The following CCSER1 variants were observed in gnomAD, a reference collection of about 807,000 sequenced individuals.
CCSER1 encodes serine-rich coiled-coil domain-containing protein 1.
A neutral mutation model predicts 82.0 loss-of-function variants in CCSER1; 41 were observed. The ratio of observed to expected loss-of-function variants is 0.50; its 90% CI spans 0.39 to 0.65. The LOEUF is 0.65. Among genes scored for constraint, CCSER1 ranks in the 30% least tolerant of loss-of-function variants. The pLI, the probability that CCSER1 is intolerant of heterozygous loss-of-function variation, is 0.00. For missense variants in CCSER1, 1,119 were observed against 1,064.2 expected (o/e 1.05, Z -0.72); for synonymous variants, 414 against 383.9 (o/e 1.08, Z -0.92).
In CCSER1 at chr4:90,127,721, G is replaced by C. The variant is rs1285841446; in HGVS notation, c.-152G>C. 6.5e-6 allele frequency: 1 copy of C among 153,378 alleles called. No homozygotes were observed. The highest frequency in any genetic ancestry group is 2.4e-5 in the African/African-American group (1 of 41,472). 9.5% of individuals were successfully genotyped at this position (153,378 alleles called of 1,614,324 possible). A position where few individuals can be genotyped will look rare whatever the true frequency, so the allele number is the denominator to read the frequency against. Reference sequence around the variant, plus strand: ...GAGTGGAGAGGAGCCCAACAGCCGAGAAGGGGAGGGAGGGCAGAGGAGGGG... The same window carrying C: ...GAGTGGAGAGGAGCCCAACAGCCGACAAGGGGAGGGAGGGCAGAGGAGGGG... On this transcript the variant is annotated 5_prime_UTR_variant, in exon 1 of 11. Coordinates refer to ENST00000509176, the MANE Select transcript of CCSER1 (RefSeq NM_001145065.2).
At chr4:91,100,222 A>G (rs923206916) in intron 10 of CCSER1, among the ~76,000 whole-genome samples, 1 of 152,132 alleles carries the variant, frequency 6.6e-6, no homozygotes, top group Non-Finnish European at 1.5e-5. Flanking sequence ...CTCATTATAA[A>G]TCAACATTTA....
intron 4 of CCSER1, among the ~76,000 whole-genome samples, chr4:90,402,867 A>G (rs1042201799): frequency 6.6e-6 from 1 of 152,204 alleles, no homozygotes; most frequent in African/African-American, 2.4e-5. Flanking sequence ...TTTACAATGA[A>G]TCTCTTGAGT....
intron 9 of CCSER1, among the ~76,000 whole-genome samples, chr4:90,937,480 A>AACACACACACACACACACAC (rs148799317): frequency 0.011 from 1,549 of 146,094 alleles, 40 homozygotes; most frequent in Admixed American, 0.052. Context: ...TCTAATTTGA[A>AACACACACACACACACACAC]ACACACACAC....
chr4:91,001,314 A>G (rs892675457), intron 9 of CCSER1, among the ~76,000 whole-genome samples: 3 of 151,960 alleles, frequency 2.0e-5, no homozygotes, highest in African/African-American at 7.3e-5. Context: ...GTTTCCTAAT[A>G]TTTCTTTTAG....
At chr4:91,004,808 A>G (rs1738357625) in intron 9 of CCSER1, among the ~76,000 whole-genome samples, 2 of 152,164 alleles carry the variant, frequency 1.3e-5, no homozygotes, top group Admixed American at 1.3e-4. Flanking sequence ...TGATATTAAC[A>G]TTTTATGTAT....
intron 5 of CCSER1, among the ~76,000 whole-genome samples, chr4:90,626,193 G>GT (rs902905453): frequency 2.0e-5 from 3 of 152,046 alleles, no homozygotes; most frequent in Non-Finnish European, 4.4e-5. Flanking sequence ...AACAAATTGT[G>GT]TTTTATTTAT....
intron 7 of CCSER1, among the ~76,000 whole-genome samples, chr4:90,742,073 G>A (rs1386214778): frequency 6.6e-6 from 1 of 152,052 alleles, no homozygotes; most frequent in African/African-American, 2.4e-5. Context: ...GTCTTCAAAT[G>A]GCAGAAGGAG....
At chr4:91,134,882 A>G (rs551993526) in intron 10 of CCSER1, among the ~76,000 whole-genome samples, 21 of 152,202 alleles carry the variant, frequency 1.4e-4, no homozygotes, top group African/African-American at 4.3e-4. Context: ...CAACATGGTG[A>G]AACCCCATCT....
chr4:90,809,814 C>T (rs1458188294), intron 7 of CCSER1, among the ~76,000 whole-genome samples: 1 of 151,962 alleles, frequency 6.6e-6, no homozygotes, highest in Non-Finnish European at 1.5e-5. Flanking sequence ...ATTACTTGAG[C>T]CCAGGACTTT....
At chr4:91,382,020 A>C (rs1750936111) in intron 10 of CCSER1, among the ~76,000 whole-genome samples, 1 of 152,178 alleles carries the variant, frequency 6.6e-6, no homozygotes, top group Admixed American at 6.6e-5. Context: ...CTGGAGGCCC[A>C]TTCCAGATCC....
chr4:90,916,892 A>T (rs1727530138), intron 8 of CCSER1, among the ~76,000 whole-genome samples: 1 of 129,592 alleles, frequency 7.7e-6, no homozygotes, highest in Non-Finnish European at 1.6e-5. Context: ...ACGTCTATAC[A>T]GTTAAGAGAC....
intron 10 of CCSER1, among the ~76,000 whole-genome samples, chr4:91,431,451 C>T (rs1271964377): frequency 6.6e-6 from 1 of 152,090 alleles, no homozygotes; most frequent in Non-Finnish European, 1.5e-5. Flanking sequence ...CATATACATA[C>T]ACAGCATTTC....
At chr4:90,870,285 G>C (rs1445196610) in intron 8 of CCSER1, among the ~76,000 whole-genome samples, 2 of 151,808 alleles carry the variant, frequency 1.3e-5, no homozygotes, top group South Asian at 2.1e-4. Flanking sequence ...TAGAGGAAAG[G>C]CTTTTAGTTT....
At chr4:90,766,448 A>G (rs1049381440) in intron 7 of CCSER1, among the ~76,000 whole-genome samples, 2 of 151,952 alleles carry the variant, frequency 1.3e-5, no homozygotes, top group Non-Finnish European at 2.9e-5. Context: ...TCATTTTAAT[A>G]TATTATTTAT....
intron 10 of CCSER1, among the ~76,000 whole-genome samples, chr4:91,584,824 T>C (rs1763908305): frequency 6.6e-6 from 1 of 151,268 alleles, no homozygotes; most frequent in Non-Finnish European, 1.5e-5. Context: ...AATTTTCTTC[T>C]TGCCTATTAT....
At chr4:91,332,499 A>G (rs1447209198) in intron 10 of CCSER1, among the ~76,000 whole-genome samples, 3 of 151,896 alleles carry the variant, frequency 2.0e-5, no homozygotes, top group Non-Finnish European at 4.4e-5. Context: ...ATAATTATCT[A>G]GGTACCAGAG....
At chr4:90,169,738 G>A (rs892672340) in intron 1 of CCSER1, among the ~76,000 whole-genome samples, 1 of 151,856 alleles carries the variant, frequency 6.6e-6, no homozygotes. Flanking sequence ...CTCACTACAT[G>A]CTTAATGTTT....
chr4:90,761,324 A>T (rs1321485760), intron 7 of CCSER1, among the ~76,000 whole-genome samples: 2 of 152,168 alleles, frequency 1.3e-5, no homozygotes, highest in African/African-American at 4.8e-5. Flanking sequence ...TTGTGTCTTC[A>T]TCTGATCACA....
rs77063724 is a variant in CCSER1, at chr4:90,792,523, G to A, written c.2011-23239G>A. On this transcript the variant is annotated intron_variant, in intron 7 of 10. Coordinates refer to ENST00000509176, the MANE Select transcript of CCSER1 (RefSeq NM_001145065.2). ...ATGGCTCAGCTTCTTTCTTCCAGGA[G>A]GATGGCAGAAGGGTGCCTACTACCT... 4.8e-4 allele frequency among the ~76,000 whole-genome samples: 73 copies of A among 152,312 alleles called. No homozygotes were observed. In the East Asian group the frequency reaches 0.014, roughly 29 times the overall value.
Sources: allele counts gnomAD v4.1 joint callset (sites outside exome capture counted in the v4.1 genomes callset), GRCh38; gene constraint gnomAD v4.1.1; transcripts MANE v1.5; gene names NCBI Gene and HGNC (gene_info 2026-07-23, HGNC 2026-07-21).